The following DYRK1A variants were observed in gnomAD, a reference collection of about 807,000 sequenced individuals.
The protein encoded by DYRK1A is dual specificity tyrosine-phosphorylation-regulated kinase 1A.
Under a neutral mutation model 79.7 loss-of-function variants are expected in DYRK1A, and 9 were observed. That is an observed-to-expected ratio of 0.11 (90% confidence interval 0.07 to 0.20). DYRK1A has a LOEUF of 0.20. Among genes scored for constraint, DYRK1A ranks in the 10% least tolerant of loss-of-function variants. The probability of loss-of-function intolerance (pLI) is 1.00; values close to 1 mark genes in which losing one functional copy is unlikely to be tolerated. For synonymous variants in DYRK1A, 349 were observed against 329.7 expected, an observed-to-expected ratio of 1.06 and a Z score of -0.63; for missense variants, 622 against 956.0, an observed-to-expected ratio of 0.65 and a Z score of 4.61.
At chr21:37,392,000 C>A (rs2049879436) in intron 1 of DYRK1A, among the ~76,000 whole-genome samples, 1 of 152,222 alleles carries the variant, frequency 6.6e-6, no homozygotes, top group Non-Finnish European at 1.5e-5. Context: ...TGTCATTTAA[C>A]CCTCAAAGCA....
chr21:37,407,694 A>T (rs1245904895), intron 1 of DYRK1A, among the ~76,000 whole-genome samples: 1 of 152,260 alleles, frequency 6.6e-6, no homozygotes, highest in African/African-American at 2.4e-5. Flanking sequence ...CATCTCTTAG[A>T]TATCATGAAG....
At chr21:37,453,215 AT>A (rs111317262) in intron 2 of DYRK1A, among the ~76,000 whole-genome samples, 45 of 152,310 alleles carry the variant, frequency 3.0e-4, no homozygotes, top group African/African-American at 7.9e-4. Flanking sequence ...AATAAAAAAA[AT>A]TGAGGTATTT....
chr21:37,502,053 GTTC>G (rs1445499112), intron 9 of DYRK1A: 2 of 152,154 alleles, frequency 1.3e-5, no homozygotes, highest in Admixed American at 1.3e-4. Flanking sequence ...TCTTACCAGT[GTTC>G]TTATTCTTGA....
Position 37,369,024 on chromosome 21 carries a change from C to T in DYRK1A, c.-77+1396C>T, listed in dbSNP as rs1395779468. Reference sequence around the variant, plus strand: ...TTGAATGAAAGGAATTAAAGATATTCCTTGATGTGTTTTGTACTTCAAACA... The same window carrying T: ...TTGAATGAAAGGAATTAAAGATATTTCTTGATGTGTTTTGTACTTCAAACA... On this transcript the variant is annotated intron_variant, in intron 1 of 11. Coordinates refer to ENST00000647188, the MANE Select transcript of DYRK1A (RefSeq NM_001347721.2). Among the ~76,000 whole-genome samples, 4 of 151,930 alleles carry T rather than the reference C, an allele frequency of 2.6e-5. No homozygotes were observed. The East Asian group carries it at 7.7e-4, about 29-fold the overall frequency.
At position 37,446,950 on chromosome 21, in the gene DYRK1A, C is replaced by T. The variant is rs149213483; in HGVS notation, c.11-25734C>T. 3.7e-4 allele frequency among the ~76,000 whole-genome samples: 57 copies of T among 152,276 alleles called. No individual in the cohort carries two copies. The East Asian group carries it at 0.011, about 29-fold the overall frequency. On this transcript the variant is annotated intron_variant, in intron 2 of 11. Transcript: ENST00000647188. ...AGTTCTTCATAAGAATCCCCACTCTCCTGATTGTTACTAGTCTTGCCACCA... is the reference window on the plus strand; with the variant it reads ...AGTTCTTCATAAGAATCCCCACTCTTCTGATTGTTACTAGTCTTGCCACCA...
At chr21:37,423,526 A>C (rs2050533596) in intron 2 of DYRK1A, among the ~76,000 whole-genome samples, 1 of 152,160 alleles carries the variant, frequency 6.6e-6, no homozygotes, top group Non-Finnish European at 1.5e-5. Context: ...CTTTTATATA[A>C]AGAAACCTGT....
chr21:37,424,550 A>C (rs151074811), intron 2 of DYRK1A, among the ~76,000 whole-genome samples: 73 of 152,292 alleles, frequency 4.8e-4, no homozygotes, highest in Non-Finnish European at 9.0e-4. Context: ...GTTGACTAAC[A>C]TATCATAAAT....
At chr21:37,507,914 A>G (rs1048851412) in intron 11 of DYRK1A, among the ~76,000 whole-genome samples, 8 of 152,152 alleles carry the variant, frequency 5.3e-5, no homozygotes, top group African/African-American at 1.9e-4. Flanking sequence ...ATTGTTTACT[A>G]TAAATGTCAC....
intron 5 of DYRK1A, 54 bp from the exon 6 acceptor site, chr21:37,486,413 A>G: frequency 7.7e-7 from 1 of 1,297,802 alleles, no homozygotes; most frequent in Non-Finnish European, 1.0e-6. Context: ...ATTATAAATT[A>G]TTGTGAAATT....
intron 1 of DYRK1A, among the ~76,000 whole-genome samples, chr21:37,405,408 A>ATG (rs1175981851): frequency 6.6e-6 from 1 of 152,186 alleles, no homozygotes; most frequent in Non-Finnish European, 1.5e-5. Context: ...GAGTCAAGTC[A>ATG]TCCCACCTCT....
chr21:37,467,234 A>G (rs1202957660), intron 2 of DYRK1A, among the ~76,000 whole-genome samples: 2 of 152,162 alleles, frequency 1.3e-5, no homozygotes, highest in Admixed American at 1.3e-4. Flanking sequence ...CCAGAAATGG[A>G]AAATCTTTTT....
rs3216074 is a variant in DYRK1A at position 37,417,529 on chromosome 21, C to CTTTTTTTTTT, written c.-76-2754_-76-2745dup. Among the ~76,000 whole-genome samples, 24 of 44,028 alleles carry CTTTTTTTTTT rather than the reference C, an allele frequency of 5.5e-4. 2 individuals are homozygous for CTTTTTTTTTT. The highest frequency in any genetic ancestry group is 2.1e-3 in the African/African-American group (21 of 9,776). The allele number at this position is 44,028 out of a possible 152,430, so 28.9% of individuals were successfully genotyped here. On this transcript the variant is annotated intron_variant, in intron 1 of 11. Coordinates refer to ENST00000647188, the MANE Select transcript of DYRK1A (RefSeq NM_001347721.2). ...TTCTTTTCTTTTTCTTTTTCTTTTTCTTTTTTTTTTTTTTTTTTTTTTTTT... is the reference window on the plus strand; with the variant it reads ...TTCTTTTCTTTTTCTTTTTCTTTTTCTTTTTTTTTTTTTTTTTTTTTTTTTTTTTTTTTTT...
At chr21:37,414,493 A>G (rs535351572) in intron 1 of DYRK1A, among the ~76,000 whole-genome samples, 69 of 152,296 alleles carry the variant, frequency 4.5e-4, no homozygotes, top group African/African-American at 1.6e-3. Flanking sequence ...ACCAGGGCCC[A>G]TTAAAGATAA....
chr21:37,445,618 A>G (rs1319616357), intron 2 of DYRK1A, among the ~76,000 whole-genome samples: 1 of 152,140 alleles, frequency 6.6e-6, no homozygotes, highest in Non-Finnish European at 1.5e-5. Flanking sequence ...GTTTATTTCA[A>G]ATGAGCAAAT....
At chr21:37,458,953 A>G (rs1251637822) in intron 2 of DYRK1A, among the ~76,000 whole-genome samples, 1 of 152,216 alleles carries the variant, frequency 6.6e-6, no homozygotes, top group African/African-American at 2.4e-5. Context: ...AGTGGCAGTC[A>G]CTGAATGTGC....
rs537571506 is a variant in DYRK1A, at chr21:37,475,577, T to C, written c.208-2631T>C. ...TATTACTTGCTTTGTAGACATTTATTTGTTCTTTCCATGTATTTTGAGCAT... is the reference window on the plus strand; with the variant it reads ...TATTACTTGCTTTGTAGACATTTATCTGTTCTTTCCATGTATTTTGAGCAT... On this transcript the variant is annotated intron_variant, in intron 3 of 11. Coordinates refer to ENST00000647188, the MANE Select transcript of DYRK1A (RefSeq NM_001347721.2). Among the ~76,000 whole-genome samples the C allele has an allele frequency of 2.6e-4, 39 of 152,348 alleles. No homozygotes were observed. The South Asian group carries it at 5.0e-3, about 19-fold the overall frequency.
chr21:37,403,647 A>AT (rs1569295349), intron 1 of DYRK1A, among the ~76,000 whole-genome samples: 121 of 103,896 alleles, frequency 1.2e-3, no homozygotes, highest in South Asian at 2.5e-3. Flanking sequence ...AAAAAAAAAA[A>AT]AATATATATA....
intron 2 of DYRK1A, among the ~76,000 whole-genome samples, chr21:37,451,802 G>A (rs2051462214): frequency 6.6e-6 from 1 of 152,226 alleles, no homozygotes; most frequent in South Asian, 2.1e-4. Context: ...TGTTCTGAGG[G>A]AAGAATGGAG....
rs932355637 is a variant in DYRK1A at position 37,515,563 on chromosome 21, C to G, written c.*3032C>G. 6.6e-6 allele frequency: 1 copy of G among 152,164 alleles called. No individual in the cohort carries two copies. The highest frequency in any genetic ancestry group is 2.4e-5 in the African/African-American group (1 of 41,432). The allele number at this position is 152,164 out of a possible 1,614,324, so 9.4% of individuals were successfully genotyped here. A position where few individuals can be genotyped will look rare whatever the true frequency, so the allele number is the denominator to read the frequency against. The stretch of plus-strand genomic sequence containing the variant: ...ACTCATTCTTCCTTCCCTAACTCCT[C>G]GTACGGGGCCATATCAGAATTCTAG... On this transcript the variant is annotated 3_prime_UTR_variant, in exon 12 of 12. Coordinates refer to ENST00000647188, the MANE Select transcript of DYRK1A (RefSeq NM_001347721.2).
Sources: gnomAD v4.1 joint callset for allele counts (sites outside exome capture counted in the v4.1 genomes callset) on GRCh38, gnomAD v4.1.1 for gene constraint, MANE v1.5 for transcripts, NCBI Gene and HGNC (gene_info 2026-07-23, HGNC 2026-07-21) for gene names.